The following HKDC1 variants were observed in gnomAD, a reference collection of about 807,000 sequenced individuals.
HKDC1 encodes the protein hexokinase domain containing 1.
Under a neutral mutation model 96.6 loss-of-function variants are expected in HKDC1, and 66 were observed. That is an observed-to-expected ratio of 0.68 (90% CI 0.56 to 0.84). The LOEUF (loss-of-function observed/expected upper bound fraction) is 0.84, where lower values mean the gene tolerates loss of function less well. HKDC1 is among the 40% of genes least tolerant of loss of function. The probability of loss-of-function intolerance (pLI) is 0.00; values close to 1 mark genes in which losing one functional copy is unlikely to be tolerated. For missense variants in HKDC1, 1,211 were observed against 1,208.1 expected (o/e 1.00, Z -0.04); for synonymous variants, 466 against 473.1 (o/e 0.98, Z 0.20).
intron 4 of HKDC1, among the ~76,000 whole-genome samples, chr10:69,233,752 G>T (rs1564727168): frequency 2.0e-5 from 3 of 152,030 alleles, no homozygotes; most frequent in Non-Finnish European, 4.4e-5. Flanking sequence ...CAAAAAATTA[G>T]CTGGGTGTGG....
At chr10:69,265,540 G>C (rs768882025) in intron 16 of HKDC1, 45 bp from the exon 17 acceptor site, 1 of 1,557,388 alleles carries the variant, frequency 6.4e-7, no homozygotes, top group Non-Finnish European at 8.8e-7. Flanking sequence ...GCACATCCCG[G>C]GGTCCTGGGA....
rs1843916016 is a variant in HKDC1, at chr10:69,267,151, C to G, written c.*394C>G. On this transcript the variant is annotated 3_prime_UTR_variant, in exon 18 of 18. Coordinates refer to ENST00000354624, the MANE Select transcript of HKDC1 (RefSeq NM_025130.4). ...TTCCCCATTGGGATGCTTAAGCCAT[C>G]TCTTATAGGGGATTGGACCCTGTAC... 1 of 224,622 alleles carries G rather than the reference C, an allele frequency of 4.5e-6. No individual in the cohort carries two copies. The highest frequency in any genetic ancestry group is 2.3e-5 in the African/African-American group (1 of 43,080). The allele number at this position is 224,622 out of a possible 1,614,324, so 13.9% of individuals were successfully genotyped here. A position where few individuals can be genotyped will look rare whatever the true frequency, so the allele number is the denominator to read the frequency against.
chr10:69,240,643 G>A lies in HKDC1; in HGVS notation c.592-9G>A. On this transcript the variant is annotated splice_polypyrimidine_tract_variant and intron_variant, in intron 5 of 17. Transcript: ENST00000354624. ...ACCCGCTGATTCCCTCTGGCCTTGT[G>A]TTCGGCAGGACATGGACGTGGACAT... is the stretch of plus-strand genomic sequence containing the variant. 1 of 1,612,620 alleles carries A rather than the reference G, an allele frequency of 6.2e-7. No individual in the cohort carries two copies. Among genetic ancestry groups the A allele is most frequent in the Non-Finnish European group, 8.5e-7 (1 of 1,178,908 alleles).
chr10:69,244,135 A>G (rs1043810513), intron 7 of HKDC1, among the ~76,000 whole-genome samples: 2 of 152,264 alleles, frequency 1.3e-5, no homozygotes, highest in South Asian at 4.2e-4. Context: ...TTTGCTGTCC[A>G]CAATTTTTAT....
intron 16 of HKDC1, among the ~76,000 whole-genome samples, chr10:69,264,715 G>A (rs150400839): frequency 6.6e-5 from 10 of 152,278 alleles, no homozygotes; most frequent in African/African-American, 1.7e-4. Flanking sequence ...TGGCTACACC[G>A]CCATTTACCT....
In HKDC1 at chr10:69,243,190, A is replaced by G. The variant is rs1365099509; in HGVS notation, c.700A>G (p.Thr234Ala). The part of the protein sequence containing the change: ...CEVGVIIGTG[T>A]NACYMEDMSN... ...TCTGATCCCTGGTTCAGGAACTGGC[A>G]CCAATGCGTGTTACATGGAGGACAT... The change falls in exon 7 of 18, where the codon ACC (threonine) becomes GCC (alanine). Residue 234 changes from threonine to alanine, a missense_variant. Coordinates refer to ENST00000354624, the MANE Select transcript of HKDC1 (RefSeq NM_025130.4). 1.2e-6 allele frequency: 2 copies of G among 1,614,102 alleles called. No homozygotes were observed. Among genetic ancestry groups the G allele is most frequent in the African/African-American group, 2.7e-5 (2 of 74,942 alleles).
chr10:69,258,823 A>G lies in HKDC1; in HGVS notation c.2080A>G (p.Met694Val). 2 of 1,614,012 alleles carry G rather than the reference A, an allele frequency of 1.2e-6. No individual in the cohort carries two copies. Among genetic ancestry groups the G allele is most frequent in the Non-Finnish European group, 1.7e-6 (2 of 1,179,962 alleles). The change falls in exon 15 of 18, where the codon ATG becomes GTG. Residue 694 changes from methionine (M) to valine (V), a missense_variant. Met to Val is a conservative substitution (Grantham distance 21, BLOSUM62 1). Coordinates refer to ENST00000354624, the MANE Select transcript of HKDC1 (RefSeq NM_025130.4). ...CYMEDMRNIE[M>V]VEGGEGKMCI... ...CATGGAGGACATGAGGAACATCGAG[A>G]TGGTGGAGGGGGGTGAAGGGAAGAT...
rs765561288 is a variant in HKDC1 at position 69,250,373 on chromosome 10, G to C, written c.1654G>C (p.Val552Leu). The change falls in exon 11 of 18, where the codon GTG becomes CTG. Residue 552 changes from valine to leucine, a missense_variant. Physicochemically the swap from Val to Leu is conservative, Grantham distance 32 (BLOSUM62 1). Coordinates refer to ENST00000354624, the MANE Select transcript of HKDC1 (RefSeq NM_025130.4). Reference sequence around the variant, plus strand: ...GAAGATCAGAAGTGGACGGAGGTCAGTGCGAATGTACAACAAGATCTTCGC... The same window carrying C: ...GAAGATCAGAAGTGGACGGAGGTCACTGCGAATGTACAACAAGATCTTCGC... ...LVKIRSGRRS[V>L]RMYNKIFAIP... is the part of the protein sequence containing the mutation. 2 of 1,614,032 alleles carry C rather than the reference G, an allele frequency of 1.2e-6. No individual in the cohort carries two copies. Among genetic ancestry groups the C allele is most frequent in the African/African-American group, 1.3e-5 (1 of 74,938 alleles).
intron 12 of HKDC1, among the ~76,000 whole-genome samples, chr10:69,253,155 A>C (rs1843670513): frequency 6.6e-6 from 1 of 152,172 alleles, no homozygotes; most frequent in African/African-American, 2.4e-5. Flanking sequence ...AGCTTGACCA[A>C]GAGGTAGAGC....
chr10:69,249,522 G>A (rs2132361200), intron 10 of HKDC1, among the ~76,000 whole-genome samples: 1 of 152,226 alleles, frequency 6.6e-6, no homozygotes, highest in East Asian at 1.9e-4. Flanking sequence ...TTGAGACGGA[G>A]TCTCGCTCTG....
chr10:69,253,793 G>A (rs552891958), intron 12 of HKDC1, among the ~76,000 whole-genome samples: 5 of 152,246 alleles, frequency 3.3e-5, no homozygotes, highest in Admixed American at 6.5e-5. Flanking sequence ...ACATCATAGC[G>A]GTGAATTCTC....
At chr10:69,255,395 G>T (rs1843703068) in intron 12 of HKDC1, among the ~76,000 whole-genome samples, 1 of 152,188 alleles carries the variant, frequency 6.6e-6, no homozygotes, top group South Asian at 2.1e-4. Flanking sequence ...GGAGACTGGG[G>T]CTTGTGGGCT....
intron 6 of HKDC1, among the ~76,000 whole-genome samples, chr10:69,241,833 A>G (rs1037597717): frequency 6.6e-6 from 1 of 152,084 alleles, no homozygotes; most frequent in South Asian, 2.1e-4. Flanking sequence ...TGGATAATAG[A>G]TTACTGGGGA....
chr10:69,250,768 C>A, intron 12 of HKDC1, 116 bp downstream of exon 12: 3 of 1,077,446 alleles, frequency 2.8e-6, no homozygotes, highest in Non-Finnish European at 4.0e-6. Flanking sequence ...GGGTTCAGGG[C>A]AGCTGGGAAC....
At chr10:69,238,962 C>T (rs752221856) in intron 4 of HKDC1, 80 bp from the exon 5 acceptor site, 133 of 940,860 alleles carry the variant, frequency 1.4e-4, no homozygotes, top group South Asian at 2.4e-4. Context: ...GGGGGATGCA[C>T]GTAGGCATGA....
intron 2 of HKDC1, 42 bp from the exon 3 acceptor site, chr10:69,232,722 G>T: frequency 6.3e-7 from 1 of 1,589,054 alleles, no homozygotes; most frequent in Non-Finnish European, 8.6e-7. Flanking sequence ...CATATCTGTA[G>T]TAGACCCTCA....
intron 12 of HKDC1, among the ~76,000 whole-genome samples, chr10:69,251,040 T>C (rs1843634264): frequency 6.6e-6 from 1 of 151,860 alleles, no homozygotes; most frequent in South Asian, 2.1e-4. Context: ...TGGGTTTTTA[T>C]CGTCTGATGA....
chr10:69,246,154 C>T lies in HKDC1; in HGVS notation c.951C>T (p.Gly317=). The change falls in exon 8 of 18, where the codon GGC becomes GGT. Residue 317 remains glycine (G), a synonymous_variant. Transcript: ENST00000354624. ...RLILLKMAKA[G]LLFGGEKSSA... ...TCTTGCTGAAGATGGCCAAGGCTGG[C>T]CTCCTGTTTGGTGGTGAGAAATCTT... The T allele has an allele frequency of 1.9e-6, 3 of 1,614,216 alleles. No individual in the cohort carries two copies. Among genetic ancestry groups the T allele is most frequent in the Non-Finnish European group, 1.7e-6 (2 of 1,180,032 alleles).
chr10:69,232,721 A>G (rs909488440), intron 2 of HKDC1, 43 bp from the exon 3 acceptor site: 4 of 1,581,378 alleles, frequency 2.5e-6, no homozygotes, highest in Non-Finnish European at 2.6e-6. Flanking sequence ...CCATATCTGT[A>G]GTAGACCCTC....
Sources: allele counts gnomAD v4.1 joint callset (sites outside exome capture counted in the v4.1 genomes callset), GRCh38; gene constraint gnomAD v4.1.1; transcripts MANE v1.5; gene names NCBI Gene and HGNC (gene_info 2026-07-23, HGNC 2026-07-21).